The following IGSF5 variants were observed in gnomAD, a reference collection of about 807,000 sequenced individuals.
IGSF5 encodes the protein immunoglobulin superfamily 5 like.
In IGSF5, 41 loss-of-function variants were observed where a neutral mutation model predicts 39.4. The ratio of observed to expected loss-of-function variants is 1.04; its 90% CI spans 0.81 to 1.35. The LOEUF (loss-of-function observed/expected upper bound fraction) is 1.35. Ranked by LOEUF, IGSF5 falls within the 40% of genes most tolerant of loss-of-function variation. IGSF5 has a pLI of 0.00. For missense variants in IGSF5, 487 were observed against 494.6 expected, an observed-to-expected ratio of 0.98 and a Z score of 0.15; for synonymous variants, 183 against 175.3, an observed-to-expected ratio of 1.04 and a Z score of -0.34.
At chr21:39,721,373 C>T in the IGSF5 span, among the ~76,000 whole-genome samples, 2 of 152,126 alleles carry the variant, frequency 1.3e-5, no homozygotes, top group East Asian at 3.8e-4. Flanking sequence ...AGCAATCGTT[C>T]CACCCAGGCA....
chr21:39,775,091 A>T (rs893789372), intron 4 of IGSF5, among the ~76,000 whole-genome samples: 2 of 152,150 alleles, frequency 1.3e-5, no homozygotes, highest in Non-Finnish European at 2.9e-5. Flanking sequence ...TTGTAAAAAA[A>T]GTTCCCAAGT....
intron 4 of IGSF5, among the ~76,000 whole-genome samples, chr21:39,774,717 G>A (rs2080131083): frequency 6.6e-6 from 1 of 152,218 alleles, no homozygotes; most frequent in Non-Finnish European, 1.5e-5. Flanking sequence ...TTATTTGTGT[G>A]TAGGTTGTGA....
intron 4 of IGSF5, among the ~76,000 whole-genome samples, chr21:39,775,794 C>T (rs1287862364): frequency 6.6e-6 from 1 of 152,194 alleles, no homozygotes; most frequent in African/African-American, 2.4e-5. Context: ...GACACACCCA[C>T]ACCCTCCATA....
chr21:39,801,960 T>C lies in IGSF5; in HGVS notation c.*603T>C, dbSNP rs1274632696. 6.6e-6 allele frequency: 1 copy of C among 152,422 alleles called. No homozygotes were observed. Among genetic ancestry groups the C allele is most frequent in the African/African-American group, 2.4e-5 (1 of 41,452 alleles). The allele number at this position is 152,422 out of a possible 1,614,324, so 9.4% of individuals were successfully genotyped here. A position where few individuals can be genotyped will look rare whatever the true frequency, so the allele number is the denominator to read the frequency against. ...CCCCTTTATCAGACCTATTTGCATC[T>C]CCTCAAATGAATTAGATGTGGCCTA... On this transcript the variant is annotated 3_prime_UTR_variant, in exon 9 of 9. Transcript: ENST00000380588.
At chr21:39,779,780 T>TAA (rs1356662924) in intron 5 of IGSF5, among the ~76,000 whole-genome samples, 2 of 152,178 alleles carry the variant, frequency 1.3e-5, no homozygotes, top group South Asian at 4.1e-4. Flanking sequence ...GATATTATGC[T>TAA]AAGTGAAATA....
At chr21:39,752,845 A>G (rs1391305369) in intron 2 of IGSF5, among the ~76,000 whole-genome samples, 1 of 151,482 alleles carries the variant, frequency 6.6e-6, no homozygotes, top group Non-Finnish European at 1.5e-5. Flanking sequence ...TGATAGACTT[A>G]TTCTTTTTTT....
Position 39,779,309 on chromosome 21 carries a change from A to AT in IGSF5, c.934+11dup. ...TTCTGCTGTAGAAGAAAAAGAGGTA[A>AT]TTTTTTTGTTCATTTACATTTGTAC... On this transcript the variant is annotated splice_donor_region_variant and intron_variant, in intron 5 of 8. Coordinates refer to ENST00000380588, the MANE Select transcript of IGSF5 (RefSeq NM_001080444.2). 1 of 1,610,626 alleles carries AT rather than the reference A, an allele frequency of 6.2e-7. No individual in the cohort carries two copies. Among genetic ancestry groups the AT allele is most frequent in the Non-Finnish European group, 8.5e-7 (1 of 1,177,810 alleles).
chr21:39,754,085 C>T (rs7280426), intron 2 of IGSF5, among the ~76,000 whole-genome samples: 6,359 of 151,978 alleles, frequency 0.042, 431 homozygotes, highest in African/African-American at 0.14. Flanking sequence ...TTTTATAGAC[C>T]CTGTGAGATT....
At chr21:39,770,523 G>A (rs184572234) in intron 3 of IGSF5, among the ~76,000 whole-genome samples, 85 of 152,202 alleles carry the variant, frequency 5.6e-4, no homozygotes, top group Non-Finnish European at 1.0e-3. Flanking sequence ...GGTGAAGCTC[G>A]TTTCTCTTTT....
chr21:39,800,574 C>A (rs2087023110), intron 8 of IGSF5, among the ~76,000 whole-genome samples: 1 of 152,192 alleles, frequency 6.6e-6, no homozygotes, highest in Admixed American at 6.5e-5. Flanking sequence ...CAGAGTAATT[C>A]TATCCTCAAG....
At chr21:39,736,895 G>A in the IGSF5 span, among the ~76,000 whole-genome samples, 6 of 152,274 alleles carry the variant, frequency 3.9e-5, no homozygotes, top group South Asian at 8.3e-4. Flanking sequence ...TCCTGGTGCC[G>A]ACTGACGCAT....
intron 2 of IGSF5, among the ~76,000 whole-genome samples, chr21:39,758,432 C>T (rs2080043898): frequency 6.6e-6 from 1 of 152,188 alleles, no homozygotes; most frequent in South Asian, 2.1e-4. Context: ...AATGTCCCTT[C>T]CCCTCCCTCG....
intron 2 of IGSF5, among the ~76,000 whole-genome samples, chr21:39,752,307 C>T (rs951015404): frequency 6.6e-6 from 1 of 151,226 alleles, no homozygotes; most frequent in Non-Finnish European, 1.5e-5. Flanking sequence ...TAATGGCCTC[C>T]AGCTCCATCC....
the IGSF5 span, among the ~76,000 whole-genome samples, chr21:39,726,548 G>A: frequency 1.9e-4 from 29 of 152,308 alleles, no homozygotes; most frequent in African/African-American, 6.7e-4. Context: ...AGATGGCAGG[G>A]CAGGGTGGAG....
the IGSF5 span, among the ~76,000 whole-genome samples, chr21:39,715,820 A>G: frequency 6.6e-6 from 1 of 152,156 alleles, no homozygotes; most frequent in Non-Finnish European, 1.5e-5. Context: ...TCTTCTTCCA[A>G]CTTTAGGGTG....
intron 3 of IGSF5, among the ~76,000 whole-genome samples, chr21:39,768,531 A>T (rs921297112): frequency 6.6e-6 from 1 of 152,202 alleles, no homozygotes; most frequent in Non-Finnish European, 1.5e-5. Context: ...GAGTTGGTCC[A>T]CTTGCTGCCT....
chr21:39,756,226 C>T (rs371150022), intron 2 of IGSF5, among the ~76,000 whole-genome samples: 2 of 152,212 alleles, frequency 1.3e-5, no homozygotes, highest in African/African-American at 2.4e-5. Context: ...CATTCTTTCT[C>T]GAGGCTGTGA....
chr21:39,792,070 G>A lies in IGSF5; in HGVS notation c.1019G>A (p.Gly340Asp). ...TETESGNENS[G>D]YNSDEQKTTD... The stretch of plus-strand genomic sequence containing the variant: ...ACAGAAAGTGGAAATGAAAACTCCG[G>A]CTACAATTCAGATGAACAAAAGACC... The change falls in exon 7 of 9, where the codon GGC (glycine) becomes GAC (aspartate). Residue 340 changes from glycine (G) to aspartate (D), a missense_variant. Physicochemically the swap from Gly to Asp is moderately conservative, Grantham distance 94. Transcript: ENST00000380588. 1 of 1,610,812 alleles carries A rather than the reference G, an allele frequency of 6.2e-7. No individual in the cohort carries two copies. The highest frequency in any genetic ancestry group is 8.5e-7 in the Non-Finnish European group (1 of 1,178,348).
chr21:39,788,956 G>A (rs1383673120), intron 6 of IGSF5, among the ~76,000 whole-genome samples: 2 of 152,098 alleles, frequency 1.3e-5, no homozygotes, highest in Non-Finnish European at 2.9e-5. Flanking sequence ...GAATGAATAT[G>A]GACAATCACC....
Sources: allele counts gnomAD v4.1 joint callset (sites outside exome capture counted in the v4.1 genomes callset), GRCh38; gene constraint gnomAD v4.1.1; transcripts MANE v1.5; gene names NCBI Gene and HGNC (gene_info 2026-07-23, HGNC 2026-07-21).